The following ZSCAN32 variants were observed in gnomAD, a reference collection of about 807,000 sequenced individuals.
The protein encoded by ZSCAN32 is zinc finger and SCAN domain containing 32, also known as zinc finger and SCAN domain-containing protein 32.
Under a neutral mutation model 47.4 loss-of-function variants are expected in ZSCAN32, and 52 were observed. The observed-to-expected ratio is 1.10, with a 90% CI of 0.88 to 1.38. ZSCAN32 has a LOEUF of 1.38. Ranked by LOEUF, ZSCAN32 falls within the 40% of genes most tolerant of loss-of-function variation. The pLI is 0.00. For synonymous variants in ZSCAN32, 346 were observed against 305.7 expected, an observed-to-expected ratio of 1.13 and a Z score of -1.38; for missense variants, 959 against 846.0, an observed-to-expected ratio of 1.13 and a Z score of -1.66.
intron 3 of ZSCAN32, 34 bp downstream of exon 3, chr16:3,393,615 C>A (rs1596223103): frequency 6.7e-7 from 1 of 1,494,532 alleles, no homozygotes; most frequent in African/African-American, 1.4e-5. Context: ...TTGTTCCTCA[C>A]CTGCCTCAGG....
intron 1 of ZSCAN32, 82 bp from the exon 2 acceptor site, chr16:3,397,826 CCTT>C: frequency 1.4e-5 from 4 of 288,492 alleles, no homozygotes; most frequent in South Asian, 9.2e-5. Context: ...CTATCCCTTT[CCTT>C]TACTCCCTCC....
Position 3,383,186 on chromosome 16 carries a change from T to C in ZSCAN32, c.1760A>G (p.Asn587Ser). ...YQCGQCGKSF[N>S]QSSSLIVHQR... ...GTGGACAATGAGGCTGGAACTCTGG[T>C]TGAAGCTTTTCCCACATTGCCCACA... The change falls in exon 7 of 7, where the codon AAC becomes AGC. Residue 587 changes from asparagine to serine, a missense_variant. Asn to Ser is a conservative substitution (Grantham distance 46). Coordinates refer to ENST00000396852, the MANE Select transcript of ZSCAN32 (RefSeq NM_001284527.2). The C allele has an allele frequency of 6.2e-7, 1 of 1,614,196 alleles. No individual in the cohort carries two copies. The highest frequency in any genetic ancestry group is 8.5e-7 in the Non-Finnish European group (1 of 1,180,030).
chr16:3,385,288 T>C (rs1018992943), intron 5 of ZSCAN32, among the ~76,000 whole-genome samples: 2 of 152,174 alleles, frequency 1.3e-5, no homozygotes, highest in African/African-American at 4.8e-5. Flanking sequence ...ATTGTGCCAC[T>C]GCACTCCAGC....
intron 2 of ZSCAN32, among the ~76,000 whole-genome samples, chr16:3,396,894 CCT>C (rs1014450882): frequency 7.9e-5 from 12 of 152,170 alleles, no homozygotes; most frequent in Non-Finnish European, 1.8e-4. Flanking sequence ...TCCTCCATCC[CCT>C]GAGTGAAGGA....
chr16:3,397,674 G>T lies in ZSCAN32; in HGVS notation c.-117C>A. The stretch of plus-strand genomic sequence containing the variant: ...TGCAAGGAATGTCTTTCTGTAATCC[G>T]TGGGACATGAGAGTGTCAGACATGT... On this transcript the variant is annotated 5_prime_UTR_variant, in exon 2 of 7. Coordinates refer to ENST00000396852, the MANE Select transcript of ZSCAN32 (RefSeq NM_001284527.2). 1 of 1,345,952 alleles carries T rather than the reference G, an allele frequency of 7.4e-7. No homozygotes were observed. The highest frequency in any genetic ancestry group is 9.8e-7 in the Non-Finnish European group (1 of 1,016,044). The allele number at this position is 1,345,952 out of a possible 1,614,324, so 83.4% of individuals were successfully genotyped here.
chr16:3,390,067 C>T lies in ZSCAN32; in HGVS notation c.694G>A (p.Ala232Thr). The change falls in exon 5 of 7, where the codon GCA becomes ACA. Residue 232 changes from alanine (A) to threonine (T), a missense_variant. By Grantham distance (58) the Ala-to-Thr change is moderately conservative. Transcript: ENST00000396852. The stretch of plus-strand genomic sequence containing the variant: ...GCACCCCTGTAGAGGGCCCTTTGTG[C>T]AGGGCCTGGGCACATCCATTCTTGC... ...CQQEWMCPGPAQRALYRGATQ... is the reference protein window; with the variant it reads ...CQQEWMCPGPTQRALYRGATQ... 15 of 1,613,910 alleles carry T rather than the reference C, an allele frequency of 9.3e-6. No individual in the cohort carries two copies. Among genetic ancestry groups the T allele is most frequent in the Non-Finnish European group, 1.3e-5 (15 of 1,179,952 alleles).
chr16:3,393,546 G>C, intron 3 of ZSCAN32, 103 bp downstream of exon 3: 1 of 1,178,556 alleles, frequency 8.5e-7, no homozygotes, highest in South Asian at 2.2e-5. Flanking sequence ...GTATTTCAAA[G>C]GCATTTAGTC....
Position 3,384,735 on chromosome 16 carries a change from C to T in ZSCAN32, c.958G>A (p.Val320Met). ...GGCTCAGGCACACGGCCTCTCCTCACTTTGCGGTAACTCAACTGTAGGCTT... is the reference window on the plus strand; with the variant it reads ...GGCTCAGGCACACGGCCTCTCCTCATTTTGCGGTAACTCAACTGTAGGCTT... ...FKSLQLSYRK[V>M]RRGRVPEPCI... The change falls in exon 6 of 7, where the codon GTG becomes ATG. Residue 320 changes from valine to methionine, a missense_variant. By Grantham distance (21) the Val-to-Met change is conservative. Coordinates refer to ENST00000396852, the MANE Select transcript of ZSCAN32 (RefSeq NM_001284527.2). 1 of 1,614,222 alleles carries T rather than the reference C, an allele frequency of 6.2e-7. No individual in the cohort carries two copies. The highest frequency in any genetic ancestry group is 8.5e-7 in the Non-Finnish European group (1 of 1,180,034).
chr16:3,391,493 C>T lies in ZSCAN32; in HGVS notation c.533-976G>A, dbSNP rs1442665350. ...AGGAGTTCGAGACCAGCCTGCCCAA[C>T]ATGGCGAAACCCTGTCTCTACTAAA... On this transcript the variant is annotated intron_variant, in intron 3 of 6. Coordinates refer to ENST00000396852, the MANE Select transcript of ZSCAN32 (RefSeq NM_001284527.2). 2.6e-5 allele frequency among the ~76,000 whole-genome samples: 4 copies of T among 151,144 alleles called. No individual in the cohort carries two copies. The East Asian group carries it at 7.9e-4, about 30-fold the overall frequency.
Position 3,383,962 on chromosome 16 carries a change from A to AC in ZSCAN32, c.1235-252dup, listed in dbSNP as rs2150868519. On this transcript the variant is annotated intron_variant, in intron 6 of 6. Coordinates refer to ENST00000396852, the MANE Select transcript of ZSCAN32 (RefSeq NM_001284527.2). Reference sequence around the variant, plus strand: ...TTCGGATGTTCTGACACAATGACAAACTGAGGCAAGACATTAAGCACTATA... The same window carrying AC: ...TTCGGATGTTCTGACACAATGACAAACCTGAGGCAAGACATTAAGCACTATA... 1.2e-5 allele frequency: 6 copies of AC among 497,374 alleles called. No homozygotes were observed. In the South Asian group the frequency reaches 1.7e-4, roughly 14 times the overall value. The allele number at this position is 497,374 out of a possible 1,614,324, so 30.8% of individuals were successfully genotyped here.
intron 3 of ZSCAN32, among the ~76,000 whole-genome samples, chr16:3,392,838 A>G (rs1402277332): frequency 6.6e-6 from 1 of 151,972 alleles, no homozygotes; most frequent in Non-Finnish European, 1.5e-5. Flanking sequence ...AAAACAAAGA[A>G]ACAAAAAAAG....
chr16:3,399,902 G>A (rs968145058), intron 1 of ZSCAN32, among the ~76,000 whole-genome samples: 7 of 152,146 alleles, frequency 4.6e-5, no homozygotes, highest in African/African-American at 9.7e-5. Context: ...CACTGCACCC[G>A]CGAAGGCAGT....
Position 3,393,797 on chromosome 16 carries a change from C to G in ZSCAN32, c.384G>C (p.Lys128Asn). 4 of 1,549,414 alleles carry G rather than the reference C, an allele frequency of 2.6e-6. No homozygotes were observed. The highest frequency in any genetic ancestry group is 3.5e-6 in the Non-Finnish European group (4 of 1,146,236). ...APGQQVLDSE[K>N]DLKVLMKEMA... is the part of the protein sequence containing the mutation. ...TCTCCTTCATGAGTACTTTCAAGTCCTTCTCAGAATCTAGAACCTGAGAAC... is the reference window on the plus strand; with the variant it reads ...TCTCCTTCATGAGTACTTTCAAGTCGTTCTCAGAATCTAGAACCTGAGAAC... Residue 128 changes from lysine (K) to asparagine (N), a missense_variant, in exon 3 of 7, where the codon AAG becomes AAC. Lys to Asn is a moderately conservative substitution (Grantham distance 94, BLOSUM62 0). Coordinates refer to ENST00000396852, the MANE Select transcript of ZSCAN32 (RefSeq NM_001284527.2).
intron 2 of ZSCAN32, among the ~76,000 whole-genome samples, chr16:3,394,113 A>T (rs542488051): frequency 6.6e-6 from 1 of 152,252 alleles, no homozygotes; most frequent in East Asian, 1.9e-4. Context: ...TAAAAATACA[A>T]ACATTAGCTG....
intron 3 of ZSCAN32, among the ~76,000 whole-genome samples, chr16:3,392,771 A>G (rs2032873135): frequency 1.3e-5 from 2 of 152,114 alleles, no homozygotes; most frequent in African/African-American, 4.8e-5. Context: ...GCTTGCAGTA[A>G]GCCAAGATCG....
At chr16:3,387,710 T>C (rs1318610768) in intron 5 of ZSCAN32, among the ~76,000 whole-genome samples, 1 of 152,232 alleles carries the variant, frequency 6.6e-6, no homozygotes, top group Non-Finnish European at 1.5e-5. Context: ...CTGGACCTTC[T>C]ACGGTCTACT....
At chr16:3,385,071 T>G (rs1596446835) in intron 5 of ZSCAN32, 130 bp from the exon 6 acceptor site, 1 of 1,125,858 alleles carries the variant, frequency 8.9e-7, no homozygotes, top group East Asian at 2.4e-5. Context: ...ACACCTGTAA[T>G]CCCAGCACTT....
chr16:3,397,996 G>A (rs1422236252), intron 1 of ZSCAN32, among the ~76,000 whole-genome samples: 2 of 152,184 alleles, frequency 1.3e-5, no homozygotes, highest in African/African-American at 2.4e-5. Flanking sequence ...ACTGCCGTTG[G>A]TCATTCCTGG....
At chr16:3,386,721 C>A (rs1258208958) in intron 5 of ZSCAN32, among the ~76,000 whole-genome samples, 1 of 152,092 alleles carries the variant, frequency 6.6e-6, no homozygotes, top group Non-Finnish European at 1.5e-5. Context: ...TGTTGTCACT[C>A]ATAGGTTGTA....
Sources: gnomAD v4.1 joint callset for allele counts (sites outside exome capture counted in the v4.1 genomes callset) on GRCh38, gnomAD v4.1.1 for gene constraint, MANE v1.5 for transcripts, NCBI Gene and HGNC (gene_info 2026-07-23, HGNC 2026-07-21) for gene names.